MAPK10: variants seen among roughly 807,000 people sequenced by gnomAD.
MAPK10 encodes mitogen-activated protein kinase 10, also known as JNK3 alpha protein kinase.
MAPK10 carries 25 observed loss-of-function variants against 59.3 expected under a neutral mutation model. The observed-to-expected ratio is 0.42, with a 90% CI of 0.31 to 0.59. The LOEUF is 0.59. MAPK10 is among the 20% of genes least tolerant of loss of function. The probability of loss-of-function intolerance (pLI) is 0.15; values close to 1 mark genes in which losing one functional copy is unlikely to be tolerated. For synonymous variants in MAPK10, 190 were observed against 200.5 expected, an observed-to-expected ratio of 0.95 and a Z score of 0.44; for missense variants, 351 against 568.9, an observed-to-expected ratio of 0.62 and a Z score of 3.90.
At chr4:86,306,566 ATAT>A (rs1240195863) in intron 2 of MAPK10, among the ~76,000 whole-genome samples, 3 of 152,182 alleles carry the variant, frequency 2.0e-5, no homozygotes, top group Admixed American at 2.0e-4. Flanking sequence ...AATTCCAAAG[ATAT>A]TATTACATTA....
chr4:86,133,782 G>A lies in MAPK10; in HGVS notation c.236+25516C>T, dbSNP rs2061423458. Among the ~76,000 whole-genome samples the A allele has an allele frequency of 2.0e-5, 3 of 152,192 alleles. No homozygotes were observed. In the South Asian group the frequency reaches 6.2e-4, roughly 31 times the overall value. On this transcript the variant is annotated intron_variant, in intron 4 of 13. Coordinates refer to ENST00000641462, the MANE Select transcript of MAPK10 (RefSeq NM_138982.4). ...TTACTGACCATGTGGTAAATAAGTT[G>A]AGGAGATAACCCATTCCAAATCTGA... is the stretch of plus-strand genomic sequence containing the variant.
chr4:86,075,008 CT>C (rs1292764853), intron 9 of MAPK10, among the ~76,000 whole-genome samples: 1 of 147,412 alleles, frequency 6.8e-6, no homozygotes, highest in Admixed American at 6.7e-5. Context: ...TGGTTCCATT[CT>C]CCTCATCACT....
At chr4:86,456,833 A>ATGGTTTTG (rs1751279567), upstream of MAPK10, among the ~76,000 whole-genome samples, 4 of 152,282 alleles carry the variant, frequency 2.6e-5, no homozygotes, top group Admixed American at 1.3e-4. Context: ...CTAATACCAA[A>ATGGTTTTG]ACCAGGAAAG....
At chr4:86,434,217 A>G (rs1748411925) in intron 1 of MAPK10, among the ~76,000 whole-genome samples, 1 of 152,158 alleles carries the variant, frequency 6.6e-6, no homozygotes, top group African/African-American at 2.4e-5. Context: ...TAGACCCCCT[A>G]TCATGCACCA....
chr4:86,263,294 C>G (rs2094090804), intron 2 of MAPK10, among the ~76,000 whole-genome samples: 1 of 152,216 alleles, frequency 6.6e-6, no homozygotes, highest in Admixed American at 6.5e-5. Context: ...AGATCCTCAA[C>G]TGGAATACCT....
intron 1 of MAPK10, among the ~76,000 whole-genome samples, chr4:86,551,779 A>ATT (rs958904989): frequency 2.0e-5 from 3 of 151,962 alleles, no homozygotes; most frequent in Admixed American, 2.0e-4. Context: ...TAATTTTTGT[A>ATT]TTTTTAGTAG....
At chr4:86,315,035 T>C (rs2095752086) in intron 2 of MAPK10, among the ~76,000 whole-genome samples, 1 of 152,166 alleles carries the variant, frequency 6.6e-6, no homozygotes, top group Admixed American at 6.6e-5. Flanking sequence ...ATTTTTGCTA[T>C]TATACATTAC....
At chr4:86,432,772 C>G (rs1194272373) in intron 1 of MAPK10, among the ~76,000 whole-genome samples, 1 of 152,128 alleles carries the variant, frequency 6.6e-6, no homozygotes, top group Non-Finnish European at 1.5e-5. Flanking sequence ...TGGTGGCAAT[C>G]AATCCTCAGT....
intron 1 of MAPK10, among the ~76,000 whole-genome samples, chr4:86,581,899 TTATATATATATATATATATATATATA>T (rs67303972): frequency 0.024 from 2,238 of 91,582 alleles, 71 homozygotes; most frequent in Non-Finnish European, 0.036. Context: ...GCTATATATA[TTATATATATATATATATATATATATA>T]TATATATATA....
intron 2 of MAPK10, among the ~76,000 whole-genome samples, chr4:86,218,968 C>A (rs1450702394): frequency 6.6e-6 from 1 of 152,212 alleles, no homozygotes; most frequent in Non-Finnish European, 1.5e-5. Context: ...TTCCAGCCAA[C>A]TCTTCTTGTA....
intron 1 of MAPK10, among the ~76,000 whole-genome samples, chr4:86,551,964 C>T (rs1041048832): frequency 6.6e-6 from 1 of 151,956 alleles, no homozygotes; most frequent in Non-Finnish European, 1.5e-5. Flanking sequence ...ACAGTTTGAA[C>T]CTGAATTTTA....
intron 1 of MAPK10, among the ~76,000 whole-genome samples, chr4:86,496,840 A>T (rs1754907609): frequency 6.6e-6 from 1 of 152,128 alleles, no homozygotes; most frequent in Non-Finnish European, 1.5e-5. Flanking sequence ...CCTTTGCTGG[A>T]GGGCTAAGCA....
intron 1 of MAPK10, among the ~76,000 whole-genome samples, chr4:86,527,659 G>T (rs1003301127): frequency 1.3e-5 from 2 of 152,044 alleles, no homozygotes; most frequent in African/African-American, 4.8e-5. Context: ...CCCATTACTG[G>T]GTATATAGCC....
chr4:86,278,753 A>G (rs1433964411), intron 2 of MAPK10, among the ~76,000 whole-genome samples: 9 of 152,176 alleles, frequency 5.9e-5, no homozygotes, highest in Non-Finnish European at 1.0e-4. Flanking sequence ...CACAGGAAAA[A>G]GTCCTTCCCC....
intron 1 of MAPK10, among the ~76,000 whole-genome samples, chr4:86,551,751 G>C (rs971759656): frequency 1.3e-5 from 2 of 151,874 alleles, no homozygotes; most frequent in Non-Finnish European, 2.9e-5. Flanking sequence ...ATCACAGGAG[G>C]GCACCACCAC....
intron 1 of MAPK10, among the ~76,000 whole-genome samples, chr4:86,519,500 T>A (rs1756954060): frequency 6.6e-6 from 1 of 152,196 alleles, no homozygotes; most frequent in Non-Finnish European, 1.5e-5. Flanking sequence ...TTACCTTAAG[T>A]TTATGTGAGT....
intron 9 of MAPK10, among the ~76,000 whole-genome samples, chr4:86,070,480 C>T (rs946267579): frequency 1.2e-4 from 18 of 150,060 alleles, no homozygotes; most frequent in Non-Finnish European, 2.2e-4. Context: ...CATGCTGGTG[C>T]GCTGCACCCA....
intron 1 of MAPK10, among the ~76,000 whole-genome samples, chr4:86,521,427 A>C (rs1757099113): frequency 6.6e-6 from 1 of 152,110 alleles, no homozygotes; most frequent in Non-Finnish European, 1.5e-5. Context: ...AGGTCAGGGC[A>C]GGGTTAGGTG....
intron 1 of MAPK10, among the ~76,000 whole-genome samples, chr4:86,589,762 C>T (rs1762893460): frequency 6.6e-6 from 1 of 151,546 alleles, no homozygotes; most frequent in South Asian, 2.1e-4. Context: ...ATGTACACCA[C>T]ATGTAAGCCA....
Sources: gnomAD v4.1 joint callset for allele counts (sites outside exome capture counted in the v4.1 genomes callset) on GRCh38, gnomAD v4.1.1 for gene constraint, MANE v1.5 for transcripts, NCBI Gene and HGNC (gene_info 2026-07-23, HGNC 2026-07-21) for gene names.